ARIH2: variants seen among roughly 807,000 people sequenced by gnomAD.
The protein encoded by ARIH2 is ariadne RBR E3 ubiquitin protein ligase 2.
In ARIH2, 12 loss-of-function variants were observed where a neutral mutation model predicts 79.8. The observed-to-expected ratio is 0.15, with a 90% CI of 0.10 to 0.24. The LOEUF (loss-of-function observed/expected upper bound fraction) is 0.24. Ranked by LOEUF, ARIH2 falls within the 10% of genes least tolerant of loss-of-function variation. The pLI is 1.00. For synonymous variants in ARIH2, 224 were observed against 213.9 expected, an observed-to-expected ratio of 1.05 and a Z score of -0.41; for missense variants, 301 against 618.3, an observed-to-expected ratio of 0.49 and a Z score of 5.44.
intron 3 of ARIH2, among the ~76,000 whole-genome samples, chr3:48,957,250 G>A (rs192902603): frequency 4.6e-5 from 7 of 152,386 alleles, no homozygotes; most frequent in Admixed American, 4.6e-4. Context: ...TACCTAGTGT[G>A]TTAATTCTGA....
intron 3 of ARIH2, among the ~76,000 whole-genome samples, chr3:48,932,266 C>G (rs1378642108): frequency 6.6e-6 from 1 of 152,114 alleles, no homozygotes; most frequent in Non-Finnish European, 1.5e-5. Flanking sequence ...TGAGAATGAA[C>G]TATCCTACAC....
chr3:48,970,184 G>A (rs1160811755), intron 7 of ARIH2, among the ~76,000 whole-genome samples: 1 of 57,618 alleles, frequency 1.7e-5, no homozygotes, highest in Non-Finnish European at 2.9e-5. Flanking sequence ...GAGCCACCGC[G>A]CCCGGCCTTG....
intron 3 of ARIH2, among the ~76,000 whole-genome samples, chr3:48,932,448 G>T (rs942016398): frequency 6.6e-6 from 1 of 152,198 alleles, no homozygotes; most frequent in African/African-American, 2.4e-5. Flanking sequence ...CTTATACAAA[G>T]ATTATTTTGT....
intron 3 of ARIH2, among the ~76,000 whole-genome samples, chr3:48,939,682 TGGGA>T: frequency 7.9e-6 from 1 of 126,230 alleles, no homozygotes; most frequent in Middle Eastern, 6.7e-3. Context: ...GGCGTGAACC[TGGGA>T]GGAGGAGCTT....
chr3:48,975,043 A>G, intron 11 of ARIH2, 64 bp downstream of exon 11: 10 of 1,613,866 alleles, frequency 6.2e-6, no homozygotes, highest in South Asian at 3.3e-5. Context: ...CTCCGTTACT[A>G]TTTAAGTGAG....
chr3:48,983,016 G>A, intron 15 of ARIH2, 37 bp downstream of exon 15: 1 of 1,587,604 alleles, frequency 6.3e-7, no homozygotes, highest in Non-Finnish European at 8.7e-7. Flanking sequence ...CTATATTGCA[G>A]GTAGAGGACT....
At chr3:48,938,711 G>GT (rs950694378) in intron 3 of ARIH2, among the ~76,000 whole-genome samples, 2 of 152,088 alleles carry the variant, frequency 1.3e-5, no homozygotes, top group African/African-American at 4.8e-5. Context: ...TAAACTAATA[G>GT]TAACAAACAG....
intron 12 of ARIH2, chr3:48,979,999 C>A (rs948365569): frequency 4.3e-6 from 1 of 233,908 alleles, no homozygotes; most frequent in Non-Finnish European, 8.1e-6. Context: ...ATAGTATCAT[C>A]TTAGTAGTCA....
At position 48,918,942 on chromosome 3, in the gene ARIH2, C is replaced by T. The variant is rs1024737553; in HGVS notation, c.-218C>T. On this transcript the variant is annotated 5_prime_UTR_variant, in exon 1 of 16. Coordinates refer to ENST00000356401, the MANE Select transcript of ARIH2 (RefSeq NM_006321.4). ...TTCGCCCCAATCCGGTCCCTCTGGC[C>T]CGGCCTGACCCGGTCTGGCTTGTTC... is the stretch of plus-strand genomic sequence containing the variant. The T allele has an allele frequency of 6.4e-6, 10 of 1,560,814 alleles. No individual in the cohort carries two copies. In the Admixed American group the frequency reaches 8.0e-5, roughly 12 times the overall value.
chr3:48,940,974 C>G lies in ARIH2; in HGVS notation c.255+13161C>G, dbSNP rs982650988. On this transcript the variant is annotated intron_variant, in intron 3 of 15. Transcript: ENST00000356401. ...CACGAGGTCAGGAGATCAAGACTAT[C>G]CTGGCTAACATGGTGAAACCCCGTC... Among the ~76,000 whole-genome samples, 5 of 150,782 alleles carry G rather than the reference C, an allele frequency of 3.3e-5. No homozygotes were observed. In the South Asian group the frequency reaches 1.0e-3, roughly 32 times the overall value.
At chr3:48,939,305 C>CAGAAA (rs2087675560) in intron 3 of ARIH2, among the ~76,000 whole-genome samples, 2 of 151,928 alleles carry the variant, frequency 1.3e-5, no homozygotes, top group South Asian at 4.2e-4. Context: ...GAAATAGGAC[C>CAGAAA]CTTAGAGTGT....
At chr3:48,952,164 AT>A (rs1307473508) in intron 3 of ARIH2, among the ~76,000 whole-genome samples, 3 of 152,150 alleles carry the variant, frequency 2.0e-5, no homozygotes, top group Non-Finnish European at 4.4e-5. Flanking sequence ...ACATTTTCTA[AT>A]TTCTCTTTTG....
intron 9 of ARIH2, among the ~76,000 whole-genome samples, chr3:48,974,386 C>T (rs995886662): frequency 1.3e-5 from 2 of 152,226 alleles, no homozygotes; most frequent in Non-Finnish European, 2.9e-5. Flanking sequence ...TTGCTGGCAT[C>T]TCTCAAATGG....
chr3:48,922,957 C>G (rs1409896892), intron 2 of ARIH2, 146 bp downstream of exon 2: 3 of 152,224 alleles, frequency 2.0e-5, no homozygotes, highest in Non-Finnish European at 4.4e-5. Context: ...TCTGTAATCC[C>G]AGCACTTTGG....
intron 9 of ARIH2, among the ~76,000 whole-genome samples, chr3:48,974,146 G>C (rs988276809): frequency 1.3e-5 from 2 of 152,188 alleles, no homozygotes; most frequent in South Asian, 4.1e-4. Context: ...AGCCACACTT[G>C]ATACATATAA....
chr3:48,967,462 C>T (rs145618886), intron 6 of ARIH2, among the ~76,000 whole-genome samples, 187 bp downstream of exon 6: 18 of 152,252 alleles, frequency 1.2e-4, no homozygotes, highest in African/African-American at 3.9e-4. Context: ...CTCAGCAAAA[C>T]GAGAAAACTA....
At chr3:48,976,456 C>T (rs1242024589) in intron 11 of ARIH2, among the ~76,000 whole-genome samples, 1 of 152,098 alleles carries the variant, frequency 6.6e-6, no homozygotes, top group Non-Finnish European at 1.5e-5. Context: ...GGCAATCCGC[C>T]TGCCTCGACC....
intron 3 of ARIH2, among the ~76,000 whole-genome samples, chr3:48,954,556 C>A (rs899775043): frequency 2.6e-5 from 4 of 152,152 alleles, no homozygotes; most frequent in African/African-American, 9.7e-5. Context: ...AGATTACAGG[C>A]TTGAGCCACC....
At position 48,918,853 on chromosome 3, in the gene ARIH2, G is replaced by GA. The variant is rs758393486; in HGVS notation, c.-306dup. The GA allele has an allele frequency of 1.2e-6, 2 of 1,611,128 alleles. No homozygotes were observed. Among genetic ancestry groups the GA allele is most frequent in the South Asian group, 2.2e-5 (2 of 91,006 alleles). On this transcript the variant is annotated 5_prime_UTR_variant, in exon 1 of 16. Transcript: ENST00000356401. Reference sequence around the variant, plus strand: ...CGCCAAGCACTTCCGGAGCTGTGGGGACGACTCTTCTGGAGGAAGCAGCGC... The same window carrying GA: ...CGCCAAGCACTTCCGGAGCTGTGGGGAACGACTCTTCTGGAGGAAGCAGCGC...
Sources: allele counts gnomAD v4.1 joint callset (sites outside exome capture counted in the v4.1 genomes callset), GRCh38; gene constraint gnomAD v4.1.1; transcripts MANE v1.5; gene names NCBI Gene and HGNC (gene_info 2026-07-23, HGNC 2026-07-21).